The following NALF1 variants were observed in gnomAD, a reference collection of about 807,000 sequenced individuals.
NALF1 encodes family with sequence similarity 155 member A.
NALF1 carries 3 observed loss-of-function variants against 48.4 expected under a neutral mutation model. That is an observed-to-expected ratio of 0.06 (90% CI 0.03 to 0.16). The LOEUF is 0.16. Ranked by LOEUF, NALF1 falls within the 10% of genes least tolerant of loss-of-function variation. NALF1 has a pLI of 1.00. For missense variants in NALF1, 526 were observed against 571.5 expected (o/e 0.92, Z 0.81); for synonymous variants, 262 against 245.7 (o/e 1.07, Z -0.62).
At chr13:107,251,297 G>C (rs188038561) in intron 1 of NALF1, among the ~76,000 whole-genome samples, 1 of 152,298 alleles carries the variant, frequency 6.6e-6, no homozygotes, top group East Asian at 1.9e-4. Context: ...AGTGAATTCT[G>C]AAAGCACAAA....
At chr13:107,604,495 C>A (rs1295994125) in intron 1 of NALF1, among the ~76,000 whole-genome samples, 2 of 152,062 alleles carry the variant, frequency 1.3e-5, no homozygotes, top group African/African-American at 2.4e-5. Flanking sequence ...CGTATCTGAA[C>A]AAAACATTGC....
At chr13:107,753,579 A>C (rs2211312) in intron 1 of NALF1, among the ~76,000 whole-genome samples, 21,572 of 151,984 alleles carry the variant, frequency 0.14, 1,775 homozygotes, top group Admixed American at 0.24. Flanking sequence ...AACTTTCTTA[A>C]AGCACATAAA....
intron 1 of NALF1, among the ~76,000 whole-genome samples, chr13:107,242,384 C>A (rs1440811315): frequency 1.3e-5 from 2 of 152,146 alleles, no homozygotes; most frequent in African/African-American, 4.8e-5. Flanking sequence ...GGTGAGTGCC[C>A]AGCAGGCGCT....
chr13:107,515,409 G>T (rs1254837167), intron 1 of NALF1, among the ~76,000 whole-genome samples: 3 of 152,098 alleles, frequency 2.0e-5, no homozygotes, highest in African/African-American at 7.2e-5. Flanking sequence ...ACCATGCAAA[G>T]TTCTTTAACC....
chr13:107,721,356 C>T (rs922781738), intron 1 of NALF1, among the ~76,000 whole-genome samples: 1 of 152,214 alleles, frequency 6.6e-6, no homozygotes, highest in Non-Finnish European at 1.5e-5. Context: ...TCCACTGTGA[C>T]AGTCCTTCCA....
chr13:107,641,304 C>A (rs998245854), intron 1 of NALF1, among the ~76,000 whole-genome samples: 1 of 152,042 alleles, frequency 6.6e-6, no homozygotes, highest in African/African-American at 2.4e-5. Flanking sequence ...TATGAAAATA[C>A]CATTCGATAC....
At chr13:107,269,195 G>C (rs1215178167) in intron 1 of NALF1, among the ~76,000 whole-genome samples, 1 of 151,620 alleles carries the variant, frequency 6.6e-6, no homozygotes. Context: ...TAAAAAAATA[G>C]AAATTGAGAA....
intron 1 of NALF1, among the ~76,000 whole-genome samples, chr13:107,601,789 G>T (rs947665442): frequency 6.6e-6 from 1 of 151,800 alleles, no homozygotes. Context: ...GGAAAAAGGT[G>T]GAAATAGAGT....
chr13:107,254,062 A>AAAAAAAATATATATATATATATATAT lies in NALF1; in HGVS notation c.916-43308_916-43307insATATATATATATATATATATTTTTTT. On this transcript the variant is annotated intron_variant, in intron 1 of 2. Coordinates refer to ENST00000375915, the MANE Select transcript of NALF1 (RefSeq NM_001080396.3). Reference sequence around the variant, plus strand: ...AGATGTTTAAGGGAGCAAGTACTAAAATATATATATATATATTAAGCACAC... The same window carrying AAAAAAAATATATATATATATATATAT: ...AGATGTTTAAGGGAGCAAGTACTAAAAAAAAAATATATATATATATATATATATATATATATATATATTAAGCACAC... Among the ~76,000 whole-genome samples the AAAAAAAATATATATATATATATATAT allele has an allele frequency of 1.8e-3, 251 of 138,634 alleles. 2 individuals are homozygous for AAAAAAAATATATATATATATATATAT. The highest frequency in any genetic ancestry group is 6.4e-3 in the African/African-American group (237 of 37,018). 90.9% of individuals were successfully genotyped at this position (138,634 alleles called of 152,430 possible).
At chr13:107,711,436 A>G (rs1052950746) in intron 1 of NALF1, among the ~76,000 whole-genome samples, 1 of 152,246 alleles carries the variant, frequency 6.6e-6, no homozygotes, top group Non-Finnish European at 1.5e-5. Context: ...CCCAGGTTCA[A>G]ACAATTCTCC....
chr13:107,252,726 G>T (rs980267410), intron 1 of NALF1, among the ~76,000 whole-genome samples: 14 of 152,126 alleles, frequency 9.2e-5, no homozygotes, highest in African/African-American at 3.1e-4. Flanking sequence ...TAGGTTTGTT[G>T]TTACTGTTAC....
At chr13:107,699,828 C>T (rs1043446232) in intron 1 of NALF1, among the ~76,000 whole-genome samples, 1 of 151,972 alleles carries the variant, frequency 6.6e-6, no homozygotes. Flanking sequence ...AGTGAAGGTT[C>T]AGAATACAAA....
At chr13:107,321,484 C>T (rs1726711002) in intron 1 of NALF1, among the ~76,000 whole-genome samples, 1 of 152,104 alleles carries the variant, frequency 6.6e-6, no homozygotes, top group African/African-American at 2.4e-5. Flanking sequence ...AAGTTTGTTC[C>T]AGGTGTTTAA....
chr13:107,390,593 C>A (rs1479834088), intron 1 of NALF1, among the ~76,000 whole-genome samples: 1 of 151,758 alleles, frequency 6.6e-6, no homozygotes. Context: ...AAACAAAAAA[C>A]AAACAAACAA....
intron 2 of NALF1, among the ~76,000 whole-genome samples, chr13:107,176,519 G>A (rs887346480): frequency 6.6e-6 from 1 of 151,932 alleles, no homozygotes; most frequent in Non-Finnish European, 1.5e-5. Flanking sequence ...GCGGGCGCCT[G>A]TAGTCCCAGC....
chr13:107,255,362 G>T (rs1793884296), intron 1 of NALF1, among the ~76,000 whole-genome samples: 1 of 152,108 alleles, frequency 6.6e-6, no homozygotes, highest in Admixed American at 6.5e-5. Flanking sequence ...TTCTAATACT[G>T]AAATAACCCC....
intron 1 of NALF1, among the ~76,000 whole-genome samples, chr13:107,689,738 G>C (rs1329629947): frequency 6.6e-6 from 1 of 152,164 alleles, no homozygotes; most frequent in Non-Finnish European, 1.5e-5. Context: ...AAAGTCTTAA[G>C]ATTCTTGGTA....
intron 2 of NALF1, among the ~76,000 whole-genome samples, chr13:107,194,633 T>A (rs765560185): frequency 6.6e-6 from 1 of 152,006 alleles, no homozygotes; most frequent in Non-Finnish European, 1.5e-5. Flanking sequence ...AAAGATAACA[T>A]CAGAAAAACT....
At chr13:107,627,155 C>T (rs1879695952) in intron 1 of NALF1, among the ~76,000 whole-genome samples, 1 of 152,068 alleles carries the variant, frequency 6.6e-6, no homozygotes, top group African/African-American at 2.4e-5. Context: ...TTAGATGTCA[C>T]TCTGTGTTCC....
Sources: gnomAD v4.1 joint callset for allele counts (sites outside exome capture counted in the v4.1 genomes callset) on GRCh38, gnomAD v4.1.1 for gene constraint, MANE v1.5 for transcripts, NCBI Gene and HGNC (gene_info 2026-07-23, HGNC 2026-07-21) for gene names.